Variants in TBCEL observed in about 807,000 individuals in gnomAD.
TBCEL encodes tubulin-specific chaperone cofactor E-like protein.
In TBCEL, 15 loss-of-function variants were observed where a neutral mutation model predicts 44.2. The ratio of observed to expected loss-of-function variants is 0.34; its 90% CI spans 0.23 to 0.52. TBCEL has a LOEUF of 0.52. Ranked by LOEUF, TBCEL falls within the 20% of genes least tolerant of loss-of-function variation. The probability of loss-of-function intolerance (pLI) is 0.95; values close to 1 mark genes in which losing one functional copy is unlikely to be tolerated. For missense variants in TBCEL, 319 were observed against 506.3 expected (o/e 0.63, Z 3.55); for synonymous variants, 171 against 185.4 (o/e 0.92, Z 0.63).
intron 6 of TBCEL, chr11:121,057,471 G>T (rs549464543): frequency 3.6e-5 from 12 of 336,850 alleles, no homozygotes; most frequent in East Asian, 1.8e-4. Flanking sequence ...TTACTCAAAG[G>T]TTCAGGTTTT....
At chr11:121,035,439 G>A (rs1234657178) in intron 1 of TBCEL, 1 of 149,668 alleles carries the variant, frequency 6.7e-6, no homozygotes, top group Non-Finnish European at 1.5e-5. Context: ...AATGTAGGAG[G>A]AGCTAGTGAA....
chr11:121,074,631 C>T (rs1389469328), intron 8 of TBCEL, among the ~76,000 whole-genome samples: 1 of 151,762 alleles, frequency 6.6e-6, no homozygotes, highest in Non-Finnish European at 1.5e-5. Flanking sequence ...TTTTAGTGTA[C>T]ATTCCTGAAT....
At chr11:121,033,028 C>T (rs1945170883) in intron 1 of TBCEL, among the ~76,000 whole-genome samples, 2 of 152,188 alleles carry the variant, frequency 1.3e-5, no homozygotes, top group Admixed American at 6.5e-5. Flanking sequence ...TTTCCCCTCT[C>T]TGTCATATTT....
intron 2 of TBCEL, among the ~76,000 whole-genome samples, chr11:121,037,174 T>G (rs577725988): frequency 8.5e-5 from 13 of 152,306 alleles, no homozygotes; most frequent in Admixed American, 5.9e-4. Context: ...CAGTAGACTT[T>G]GAGACATAGG....
chr11:121,049,678 ATT>A (rs1325162817), intron 4 of TBCEL, among the ~76,000 whole-genome samples: 12 of 151,750 alleles, frequency 7.9e-5, no homozygotes. Context: ...TGCACTTCAA[ATT>A]TGTTTCTTTG....
At position 121,089,131 on chromosome 11, in the gene TBCEL, T is replaced by A. The variant is rs1946256893; in HGVS notation, c.*2035T>A. On this transcript the variant is annotated 3_prime_UTR_variant, in exon 9 of 9. Coordinates refer to ENST00000683345, the MANE Select transcript of TBCEL (RefSeq NM_001363644.2). Reference sequence around the variant, plus strand: ...ATTGAGCCCTTTGCTTTTGTCAGCCTGGGAAACAGATGCGTTCTTATTTTT... The same window carrying A: ...ATTGAGCCCTTTGCTTTTGTCAGCCAGGGAAACAGATGCGTTCTTATTTTT... 1 of 152,214 alleles carries A rather than the reference T, an allele frequency of 6.6e-6. No individual in the cohort carries two copies. Among genetic ancestry groups the A allele is most frequent in the Non-Finnish European group, 1.5e-5 (1 of 68,048 alleles). The allele number at this position is 152,214 out of a possible 1,614,324, so 9.4% of individuals were successfully genotyped here.
intron 5 of TBCEL, chr11:121,054,781 CAGTACTGCTTAATTT>C (rs1945590450): frequency 3.7e-6 from 1 of 272,692 alleles, no homozygotes; most frequent in Non-Finnish European, 6.8e-6. Flanking sequence ...TACTTACAGT[CAGTACTGCTTAATTT>C]AGTACTTAAT....
rs1430849903 is a variant in TBCEL, at chr11:121,060,098, C to G, written c.956+13C>G. ...AAGTGCCATTCAGGTAAAAAATTCC[C>G]CATTGGCCAAACACTTTAGAGGGTG... On this transcript the variant is annotated intron_variant, in intron 8 of 8. Transcript: ENST00000683345. The G allele has an allele frequency of 6.3e-7, 1 of 1,588,284 alleles. No homozygotes were observed. The highest frequency in any genetic ancestry group is 2.2e-5 in the East Asian group (1 of 44,630).
At chr11:121,047,761 C>T (rs1945455603) in intron 4 of TBCEL, 94 bp downstream of exon 4, 3 of 1,451,896 alleles carry the variant, frequency 2.1e-6, no homozygotes, top group South Asian at 1.3e-5. Context: ...ATTCTGTTCT[C>T]ACTTGATGTC....
chr11:121,042,745 G>T (rs1224899179), intron 2 of TBCEL, among the ~76,000 whole-genome samples: 1 of 152,084 alleles, frequency 6.6e-6, no homozygotes, highest in African/African-American at 2.4e-5. Context: ...GTAGATCATG[G>T]TCCTGGTAGT....
At chr11:121,025,280 T>C (rs886538119) in intron 1 of TBCEL, among the ~76,000 whole-genome samples, 2 of 151,682 alleles carry the variant, frequency 1.3e-5, no homozygotes, top group African/African-American at 2.4e-5. Flanking sequence ...TGTGGAGCTC[T>C]TACGTTTCCA....
intron 2 of TBCEL, among the ~76,000 whole-genome samples, chr11:121,037,497 A>G (rs1945252805): frequency 6.6e-6 from 1 of 152,234 alleles, no homozygotes; most frequent in African/African-American, 2.4e-5. Context: ...AATTACGCTG[A>G]CTTGGTCAAT....
chr11:121,038,340 T>C (rs1168551340), intron 2 of TBCEL, among the ~76,000 whole-genome samples: 1 of 152,194 alleles, frequency 6.6e-6, no homozygotes, highest in Non-Finnish European at 1.5e-5. Flanking sequence ...TTATTTCATC[T>C]TTCCTGGAGG....
At position 121,052,710 on chromosome 11, in the gene TBCEL, A is replaced by G. The variant is rs1945550697; in HGVS notation, c.274-841A>G. On this transcript the variant is annotated intron_variant, in intron 4 of 8. Coordinates refer to ENST00000683345, the MANE Select transcript of TBCEL (RefSeq NM_001363644.2). ...ATGATGTATAAATATGGTATATTGG[A>G]AAGAAAAATGGCTCTGAGTTTTAAA... is the stretch of plus-strand genomic sequence containing the variant. Among the ~76,000 whole-genome samples the G allele has an allele frequency of 3.9e-5, 6 of 151,932 alleles. No homozygotes were observed. In the South Asian group the frequency reaches 1.2e-3, roughly 32 times the overall value.
At chr11:121,082,188 A>G (rs781081020) in intron 8 of TBCEL, among the ~76,000 whole-genome samples, 3 of 152,266 alleles carry the variant, frequency 2.0e-5, no homozygotes, top group Non-Finnish European at 4.4e-5. Flanking sequence ...CCTGTGGGAC[A>G]GAAGTCTGGG....
At chr11:121,042,030 T>C (rs1945343974) in intron 2 of TBCEL, among the ~76,000 whole-genome samples, 1 of 152,160 alleles carries the variant, frequency 6.6e-6, no homozygotes, top group Non-Finnish European at 1.5e-5. Context: ...GCATTTTAAC[T>C]TGAATACGTC....
intron 8 of TBCEL, among the ~76,000 whole-genome samples, chr11:121,077,794 T>G (rs1021290453): frequency 6.6e-6 from 1 of 152,106 alleles, no homozygotes; most frequent in African/African-American, 2.4e-5. Context: ...AATTGGGATT[T>G]GTTATATTTT....
At position 121,063,703 on chromosome 11, in the gene TBCEL, C is replaced by T. The variant is rs78927120; in HGVS notation, c.956+3618C>T. On this transcript the variant is annotated intron_variant, in intron 8 of 8. Coordinates refer to ENST00000683345, the MANE Select transcript of TBCEL (RefSeq NM_001363644.2). ...CTGGGGCTATAATTGGTATTTACGA[C>T]TTCCCTCTTCCATTATTTGCCTTTT... Among the ~76,000 whole-genome samples the T allele has an allele frequency of 5.2e-3, 788 of 152,278 alleles. 5 individuals are homozygous for T. Among genetic ancestry groups the T allele is most frequent in the African/African-American group, 0.017 (724 of 41,556 alleles).
intron 2 of TBCEL, among the ~76,000 whole-genome samples, chr11:121,044,886 A>G: frequency 6.6e-6 from 1 of 152,278 alleles, no homozygotes; most frequent in Middle Eastern, 3.4e-3. Flanking sequence ...TAACTAAAAA[A>G]TTGAGAAGAA....
Sources: gnomAD v4.1 joint callset for allele counts (sites outside exome capture counted in the v4.1 genomes callset) on GRCh38, gnomAD v4.1.1 for gene constraint, MANE v1.5 for transcripts, NCBI Gene and HGNC (gene_info 2026-07-23, HGNC 2026-07-21) for gene names.